Variants in PRKCB observed in about 807,000 individuals in gnomAD.
PRKCB encodes protein kinase C beta type.
PRKCB carries 13 observed loss-of-function variants against 81.5 expected under a neutral mutation model. That is an observed-to-expected ratio of 0.16 (90% CI 0.10 to 0.25). The LOEUF is 0.25. PRKCB is among the 10% of genes least tolerant of loss of function. PRKCB has a pLI of 1.00. For synonymous variants in PRKCB, 335 were observed against 321.4 expected (o/e 1.04, Z -0.45); for missense variants, 509 against 875.7 (o/e 0.58, Z 5.29).
chr16:23,868,266 T>A (rs1458751638), intron 2 of PRKCB, among the ~76,000 whole-genome samples: 1 of 152,212 alleles, frequency 6.6e-6, no homozygotes, highest in Non-Finnish European at 1.5e-5. Flanking sequence ...CAGGGAGCAG[T>A]GCACTGACCC....
At position 24,215,370 on chromosome 16, in the gene PRKCB, A is replaced by G. The variant is rs1968209917; in HGVS notation, c.*554A>G. ...CAAAGTTAAGATGATCAAAGTTCTA[A>G]AATTCCAAGAATGTGCTTTTAGACG... On this transcript the variant is annotated 3_prime_UTR_variant, in exon 17 of 17. Transcript: ENST00000643927. The G allele has an allele frequency of 3.0e-6, 3 of 986,036 alleles. No homozygotes were observed. Among genetic ancestry groups the G allele is most frequent in the South Asian group, 9.4e-5 (2 of 21,302 alleles). 61.1% of individuals were successfully genotyped at this position (986,036 alleles called of 1,614,324 possible).
intron 9 of PRKCB, among the ~76,000 whole-genome samples, chr16:24,143,269 A>G (rs1966930958): frequency 6.6e-6 from 1 of 152,030 alleles, no homozygotes; most frequent in Non-Finnish European, 1.5e-5. Context: ...AGTAGCTGGG[A>G]TTACAGATGT....
intron 3 of PRKCB, among the ~76,000 whole-genome samples, chr16:24,020,245 T>G (rs1343597123): frequency 6.6e-6 from 1 of 152,190 alleles, no homozygotes; most frequent in Non-Finnish European, 1.5e-5. Context: ...TGCATATTGA[T>G]CCCATGAGTT....
intron 2 of PRKCB, among the ~76,000 whole-genome samples, chr16:23,935,536 C>T (rs549362112): frequency 1.3e-5 from 2 of 152,130 alleles, no homozygotes; most frequent in Non-Finnish European, 2.9e-5. Flanking sequence ...CATATATATC[C>T]CTCCTCCACC....
rs115993714 is a variant in PRKCB at position 23,992,409 on chromosome 16, T to C, written c.288+3819T>C. On this transcript the variant is annotated intron_variant, in intron 3 of 16. Coordinates refer to ENST00000643927, the MANE Select transcript of PRKCB (RefSeq NM_002738.7). ...CTAGTAGTAAAGAGAGCCTGGATAG[T>C]CCGTGGCATGATCTGTTTATAGAGA... 3.6e-3 allele frequency among the ~76,000 whole-genome samples: 541 copies of C among 152,282 alleles called. 3 individuals are homozygous for C. Among genetic ancestry groups the C allele is most frequent in the African/African-American group, 0.012 (514 of 41,542 alleles).
At chr16:24,024,026 G>A (rs1473652661) in intron 3 of PRKCB, among the ~76,000 whole-genome samples, 1 of 152,210 alleles carries the variant, frequency 6.6e-6, no homozygotes, top group African/African-American at 2.4e-5. Context: ...GGAGGCAGAT[G>A]GAATTGGAAG....
chr16:23,975,516 A>C (rs1057239284), intron 2 of PRKCB, among the ~76,000 whole-genome samples: 1 of 152,170 alleles, frequency 6.6e-6, no homozygotes. Context: ...ACAGACACTC[A>C]TGGGCACAGT....
chr16:24,150,895 C>T (rs1398333716), intron 9 of PRKCB, among the ~76,000 whole-genome samples: 2 of 152,136 alleles, frequency 1.3e-5, no homozygotes, highest in Admixed American at 6.6e-5. Flanking sequence ...TTCTGTTTTC[C>T]GTTAATCAGT....
intron 7 of PRKCB, among the ~76,000 whole-genome samples, chr16:24,100,694 A>G (rs1181542053): frequency 6.6e-6 from 1 of 152,166 alleles, no homozygotes; most frequent in African/African-American, 2.4e-5. Flanking sequence ...ACAATCACCC[A>G]ATGAGTTCAT....
At chr16:24,180,955 A>G in intron 13 of PRKCB, 27 bp downstream of exon 13, 1 of 1,611,204 alleles carries the variant, frequency 6.2e-7, no homozygotes, top group Non-Finnish European at 8.5e-7. Context: ...ACACGTTCAC[A>G]TTGCGGTGAT....
chr16:23,838,081 G>C (rs1179934755), intron 2 of PRKCB, among the ~76,000 whole-genome samples: 1 of 152,146 alleles, frequency 6.6e-6, no homozygotes, highest in Non-Finnish European at 1.5e-5. Flanking sequence ...AGTTGATCAC[G>C]TGTAAAGTGT....
At chr16:23,986,467 G>C (rs1166418519) in intron 2 of PRKCB, among the ~76,000 whole-genome samples, 1 of 152,068 alleles carries the variant, frequency 6.6e-6, no homozygotes, top group South Asian at 2.1e-4. Flanking sequence ...GCCCAGGTTG[G>C]TCTTAAACTC....
chr16:23,900,758 TCC>T (rs934762468), intron 2 of PRKCB, among the ~76,000 whole-genome samples: 2 of 103,270 alleles, frequency 1.9e-5, no homozygotes, highest in African/African-American at 7.5e-5. Context: ...TTTGTGGCTG[TCC>T]CATACGGTCT....
chr16:23,926,484 A>C (rs1963898828), intron 2 of PRKCB, among the ~76,000 whole-genome samples: 1 of 151,842 alleles, frequency 6.6e-6, no homozygotes, highest in Admixed American at 6.6e-5. Context: ...ACTGTTTCAA[A>C]AAAAATAAAT....
chr16:24,050,045 A>G (rs1422403485), intron 5 of PRKCB, among the ~76,000 whole-genome samples: 1 of 152,176 alleles, frequency 6.6e-6, no homozygotes, highest in African/African-American at 2.4e-5. Context: ...AAGCACGTTG[A>G]GCTGCTGACA....
chr16:24,091,198 T>A (rs1473626736), intron 5 of PRKCB, among the ~76,000 whole-genome samples: 1 of 152,238 alleles, frequency 6.6e-6, no homozygotes, highest in African/African-American at 2.4e-5. Context: ...ATAGCCTTTA[T>A]CCTGTTAAAA....
At chr16:23,935,220 A>G (rs1382229816) in intron 2 of PRKCB, among the ~76,000 whole-genome samples, 2 of 152,206 alleles carry the variant, frequency 1.3e-5, no homozygotes, top group African/African-American at 4.8e-5. Flanking sequence ...CAGTGAAAGC[A>G]GGCTGTCTGG....
intron 2 of PRKCB, among the ~76,000 whole-genome samples, chr16:23,868,782 C>T (rs1320005994): frequency 1.3e-5 from 2 of 152,164 alleles, no homozygotes. Flanking sequence ...GGCCGGCTGC[C>T]AAGGGTACCC....
chr16:23,879,713 C>T (rs532028718), intron 2 of PRKCB, among the ~76,000 whole-genome samples: 44 of 152,106 alleles, frequency 2.9e-4, no homozygotes, highest in Admixed American at 7.9e-4. Context: ...AGGCTGGTCT[C>T]GAGCTCCTGA....
Sources: gnomAD v4.1 joint callset for allele counts (sites outside exome capture counted in the v4.1 genomes callset) on GRCh38, gnomAD v4.1.1 for gene constraint, MANE v1.5 for transcripts, NCBI Gene and HGNC (gene_info 2026-07-23, HGNC 2026-07-21) for gene names.